The following SSBP2 variants were observed in gnomAD, a reference collection of about 807,000 sequenced individuals.
The protein encoded by SSBP2 is single-stranded DNA-binding protein 2.
Under a neutral mutation model 61.8 loss-of-function variants are expected in SSBP2, and 17 were observed. That is an observed-to-expected ratio of 0.28 (90% CI 0.19 to 0.41). The LOEUF is 0.41. SSBP2 is among the 10% of genes least tolerant of loss of function. The pLI is 1.00. For missense variants in SSBP2, 310 were observed against 458.7 expected (o/e 0.68, Z 2.96); for synonymous variants, 139 against 141.3 (o/e 0.98, Z 0.12).
In SSBP2 at chr5:81,740,701, C is replaced by T. The variant is rs148304211; in HGVS notation, c.62+10280G>A. On this transcript the variant is annotated intron_variant, in intron 1 of 16. Transcript: ENST00000320672. The stretch of plus-strand genomic sequence containing the variant: ...GTTTAAAGTAACTTATGCCGGATTA[C>T]TCTGCCTCTGGTTACAGAATGAGAA... Among the ~76,000 whole-genome samples, 4 of 152,264 alleles carry T rather than the reference C, an allele frequency of 2.6e-5. No homozygotes were observed. The East Asian group carries it at 7.7e-4, about 29-fold the overall frequency.
rs144883574 is a variant in SSBP2, at chr5:81,557,419, A to G, written c.283-43702T>C. ...GAAGACTTTTGGCAGTGATTTATGTAAGCGTTTTTTCTGTCCTCCTTATCT... is the reference window on the plus strand; with the variant it reads ...GAAGACTTTTGGCAGTGATTTATGTGAGCGTTTTTTCTGTCCTCCTTATCT... On this transcript the variant is annotated intron_variant, in intron 4 of 16. Coordinates refer to ENST00000320672, the MANE Select transcript of SSBP2 (RefSeq NM_012446.5). 3.5e-3 allele frequency among the ~76,000 whole-genome samples: 532 copies of G among 152,178 alleles called. 2 individuals carry two copies. The highest frequency in any genetic ancestry group is 8.8e-3 in the African/African-American group (364 of 41,516).
intron 6 of SSBP2, among the ~76,000 whole-genome samples, chr5:81,486,403 A>C (rs746613937): frequency 6.6e-6 from 1 of 152,168 alleles, no homozygotes; most frequent in Non-Finnish European, 1.5e-5. Flanking sequence ...CAGGCATTCA[A>C]TAATGTCACT....
intron 1 of SSBP2, among the ~76,000 whole-genome samples, chr5:81,717,265 G>C (rs1581410840): frequency 1.3e-5 from 2 of 152,070 alleles, no homozygotes; most frequent in East Asian, 3.9e-4. Context: ...TACTATAAAA[G>C]CAATGGATCC....
At chr5:81,470,452 A>G (rs2154019420) in intron 8 of SSBP2, among the ~76,000 whole-genome samples, 1 of 151,964 alleles carries the variant, frequency 6.6e-6, no homozygotes, top group Non-Finnish European at 1.5e-5. Flanking sequence ...TATGCCTACT[A>G]GATTTGGGGC....
intron 4 of SSBP2, among the ~76,000 whole-genome samples, chr5:81,536,757 A>G (rs1314356806): frequency 2.6e-5 from 4 of 152,116 alleles, no homozygotes; most frequent in African/African-American, 7.2e-5. Context: ...ATGTGTTGCT[A>G]TATCTTAAAA....
intron 10 of SSBP2, among the ~76,000 whole-genome samples, chr5:81,451,478 G>A (rs1278272423): frequency 2.0e-5 from 3 of 152,162 alleles, no homozygotes; most frequent in Non-Finnish European, 4.4e-5. Context: ...CCAGGCTGGA[G>A]TGCAGTGGCG....
chr5:81,428,559 TA>T (rs749707183), intron 16 of SSBP2, 25 bp downstream of exon 16: 1 of 1,561,148 alleles, frequency 6.4e-7, no homozygotes, highest in South Asian at 1.1e-5. Context: ...AAAATTTGAG[TA>T]TAATATAGTC....
At chr5:81,557,481 A>G (rs946876918) in intron 4 of SSBP2, among the ~76,000 whole-genome samples, 1 of 152,026 alleles carries the variant, frequency 6.6e-6, no homozygotes, top group African/African-American at 2.4e-5. Context: ...TTCTAAGTAT[A>G]TTAGGCTTTT....
intron 4 of SSBP2, among the ~76,000 whole-genome samples, chr5:81,530,208 T>C (rs2154104224): frequency 6.6e-6 from 1 of 152,218 alleles, no homozygotes; most frequent in South Asian, 2.1e-4. Context: ...TAATAGCACC[T>C]GCCTTATAGA....
chr5:81,678,496 G>A (rs1425195318), intron 1 of SSBP2, among the ~76,000 whole-genome samples: 2 of 151,878 alleles, frequency 1.3e-5, no homozygotes, highest in Non-Finnish European at 2.9e-5. Flanking sequence ...AGGAACAGAA[G>A]TAGTATCTGA....
At chr5:81,737,609 C>T (rs1364117404) in intron 1 of SSBP2, among the ~76,000 whole-genome samples, 2 of 141,846 alleles carry the variant, frequency 1.4e-5, no homozygotes, top group African/African-American at 5.4e-5. Context: ...GGTGAAACCC[C>T]GTCTCTACTA....
At chr5:81,622,865 C>A (rs1278533991) in intron 3 of SSBP2, among the ~76,000 whole-genome samples, 1 of 152,148 alleles carries the variant, frequency 6.6e-6, no homozygotes, top group Non-Finnish European at 1.5e-5. Flanking sequence ...AGTAAGATTA[C>A]CTTCAGCGGG....
intron 10 of SSBP2, among the ~76,000 whole-genome samples, 168 bp from the exon 11 acceptor site, chr5:81,448,993 A>G (rs1489384619): frequency 2.6e-5 from 4 of 152,234 alleles, no homozygotes; most frequent in African/African-American, 9.6e-5. Context: ...CTGAATAATA[A>G]TAACTTGGAT....
At chr5:81,473,422 C>A (rs1171848848) in intron 8 of SSBP2, among the ~76,000 whole-genome samples, 1 of 152,084 alleles carries the variant, frequency 6.6e-6, no homozygotes, top group Non-Finnish European at 1.5e-5. Flanking sequence ...TCCACCCTCC[C>A]GACTGGCCCT....
rs563396944 is a variant in SSBP2 at position 81,602,362 on chromosome 5, C to A, written c.282+13111G>T. Among the ~76,000 whole-genome samples, 9 of 152,124 alleles carry A rather than the reference C, an allele frequency of 5.9e-5. No individual in the cohort carries two copies. In the South Asian group the frequency reaches 1.2e-3, roughly 21 times the overall value. On this transcript the variant is annotated intron_variant, in intron 4 of 16. Transcript: ENST00000320672. ...AGCTTCTATGCATCAATTTATAAAT[C>A]CACTCACTCAGGCAGAAGTCCTTCT...
intron 4 of SSBP2, among the ~76,000 whole-genome samples, chr5:81,571,010 A>C (rs937961771): frequency 9.9e-5 from 15 of 152,242 alleles, no homozygotes; most frequent in Non-Finnish European, 1.8e-4. Context: ...ATGGCAAATA[A>C]GTTCATTATC....
intron 4 of SSBP2, among the ~76,000 whole-genome samples, chr5:81,593,990 A>G (rs1360935392): frequency 6.6e-6 from 1 of 152,214 alleles, no homozygotes; most frequent in Non-Finnish European, 1.5e-5. Flanking sequence ...CACACATAAC[A>G]ATATTAACTT....
chr5:81,741,808 G>A (rs1581460429), intron 1 of SSBP2, among the ~76,000 whole-genome samples: 2 of 152,170 alleles, frequency 1.3e-5, no homozygotes, highest in Non-Finnish European at 2.9e-5. Context: ...TTAGAGTTAA[G>A]TAATTTTACA....
intron 4 of SSBP2, among the ~76,000 whole-genome samples, chr5:81,595,368 A>G: frequency 6.6e-6 from 1 of 152,152 alleles, no homozygotes; most frequent in East Asian, 1.9e-4. Flanking sequence ...TAACCAAAAA[A>G]ACTCCAGGAC....
Sources: gnomAD v4.1 joint callset for allele counts (sites outside exome capture counted in the v4.1 genomes callset) on GRCh38, gnomAD v4.1.1 for gene constraint, MANE v1.5 for transcripts, NCBI Gene and HGNC (gene_info 2026-07-23, HGNC 2026-07-21) for gene names.